Variants in APOBEC3F observed in about 807,000 individuals in gnomAD.
APOBEC3F encodes the protein DNA dC->dU-editing enzyme APOBEC-3F.
In APOBEC3F, 34 loss-of-function variants were observed where a neutral mutation model predicts 45.8. That is an observed-to-expected ratio of 0.74 (90% CI 0.57 to 0.99). The LOEUF (loss-of-function observed/expected upper bound fraction) is 0.99. APOBEC3F is among the 50% of genes least tolerant of loss of function. The probability of loss-of-function intolerance (pLI) is 0.00; values close to 1 mark genes in which losing one functional copy is unlikely to be tolerated. For synonymous variants in APOBEC3F, 192 were observed against 174.4 expected (o/e 1.10, Z -0.80); for missense variants, 459 against 474.1 (o/e 0.97, Z 0.30).
chr22:39,049,193 G>A (rs1320795556), intron 4 of APOBEC3F, among the ~76,000 whole-genome samples: 1 of 152,154 alleles, frequency 6.6e-6, no homozygotes, highest in African/African-American at 2.4e-5. Context: ...CAGAAAAACT[G>A]GGAGGTTGAG....
Position 39,043,452 on chromosome 22 carries a change from C to T in APOBEC3F, c.171+362C>T, listed in dbSNP as rs1207374253. On this transcript the variant is annotated intron_variant, in intron 2 of 6. Transcript: ENST00000308521. ...AGTAGCTGGGATTACAGGTGCCCAC[C>T]ACCACGCCCAGCTAATTTTTTTTTT... Among the ~76,000 whole-genome samples, 3 of 148,670 alleles carry T rather than the reference C, an allele frequency of 2.0e-5. No homozygotes were observed. The East Asian group carries it at 6.1e-4, about 30-fold the overall frequency.
intron 4 of APOBEC3F, among the ~76,000 whole-genome samples, chr22:39,047,906 T>C (rs1043828803): frequency 6.6e-6 from 1 of 152,192 alleles, no homozygotes; most frequent in Non-Finnish European, 1.5e-5. Flanking sequence ...ATGGAATTTC[T>C]GCAAGATTTA....
intron 5 of APOBEC3F, among the ~76,000 whole-genome samples, chr22:39,050,589 C>T (rs541883288): frequency 2.0e-5 from 3 of 151,330 alleles, no homozygotes; most frequent in African/African-American, 7.3e-5. Context: ...TGCATTAGCT[C>T]AATTATCTCA....
At position 39,044,131 on chromosome 22, in the gene APOBEC3F, T is replaced by A. The variant is rs764603350; in HGVS notation, c.172-810T>A. 7.7e-6 allele frequency: 12 copies of A among 1,568,414 alleles called. No individual in the cohort carries two copies. The East Asian group carries it at 2.6e-4, about 34-fold the overall frequency. On this transcript the variant is annotated intron_variant, in intron 2 of 6. Coordinates refer to ENST00000308521, the MANE Select transcript of APOBEC3F (RefSeq NM_145298.6). ...CCCATTTCAAGTGCTCAGTAGCCCC[T>A]TTGGCCAGTGCGCCCCACCACATGG...
At chr22:39,041,656 G>C (rs1478629622) in intron 1 of APOBEC3F, among the ~76,000 whole-genome samples, 1 of 152,102 alleles carries the variant, frequency 6.6e-6, no homozygotes, top group Non-Finnish European at 1.5e-5. Flanking sequence ...CTGAGGTCGG[G>C]AGTTCGAGAC....
chr22:39,042,164 C>T (rs1926938386), intron 1 of APOBEC3F, among the ~76,000 whole-genome samples: 1 of 152,204 alleles, frequency 6.6e-6, no homozygotes, highest in Non-Finnish European at 1.5e-5. Flanking sequence ...CTCACATCCG[C>T]GCAGCACTTA....
intron 4 of APOBEC3F, 97 bp downstream of exon 4, chr22:39,045,639 G>T: frequency 6.3e-7 from 1 of 1,582,354 alleles, no homozygotes. Flanking sequence ...CCTCCGTCCT[G>T]CCCCCTGCCT....
chr22:39,047,533 C>A (rs575712509), intron 4 of APOBEC3F, among the ~76,000 whole-genome samples: 1 of 152,192 alleles, frequency 6.6e-6, no homozygotes, highest in East Asian at 1.9e-4. Flanking sequence ...GCTCTGCCCA[C>A]GGGGCCTCTG....
chr22:39,049,348 G>T, intron 4 of APOBEC3F, 77 bp from the exon 5 acceptor site: 1 of 1,515,602 alleles, frequency 6.6e-7, no homozygotes, highest in Non-Finnish European at 9.0e-7. Context: ...GCTGTCCAGT[G>T]AGTGGTGTTC....
In APOBEC3F at chr22:39,054,093, A is replaced by G. The variant is rs781599982; in HGVS notation, c.*1398A>G. 2.0e-5 allele frequency among the ~76,000 whole-genome samples: 3 copies of G among 151,392 alleles called. No individual in the cohort carries two copies. The highest frequency in any genetic ancestry group is 6.6e-5 in the Admixed American group (1 of 15,206). ...AATGGTGCGGTCTCGGCTCACTGCAACCTCTGCCTCCCTTGTTCAAGTGAT... is the reference window on the plus strand; with the variant it reads ...AATGGTGCGGTCTCGGCTCACTGCAGCCTCTGCCTCCCTTGTTCAAGTGAT... On this transcript the variant is annotated 3_prime_UTR_variant, in exon 7 of 7. Coordinates refer to ENST00000308521, the MANE Select transcript of APOBEC3F (RefSeq NM_145298.6).
chr22:39,042,388 T>C (rs1272595483), intron 1 of APOBEC3F, among the ~76,000 whole-genome samples: 2 of 148,398 alleles, frequency 1.3e-5, no homozygotes, highest in Non-Finnish European at 3.0e-5. Context: ...CTCGGCTCAC[T>C]ACAACCTCCG....
rs1260121950 is a variant in APOBEC3F, at chr22:39,053,573, T to C, written c.*878T>C. On this transcript the variant is annotated 3_prime_UTR_variant, in exon 7 of 7. Transcript: ENST00000308521. ...GAGGCTGCAGTGAACTGAGATCACG[T>C]CACTGAACTCCAGTCTGAGCAACAG... 6.6e-6 allele frequency: 1 copy of C among 152,038 alleles called. No homozygotes were observed. The highest frequency in any genetic ancestry group is 1.5e-5 in the Non-Finnish European group (1 of 68,016). The allele number at this position is 152,038 out of a possible 1,614,324, so 9.4% of individuals were successfully genotyped here.
At chr22:39,049,263 T>C (rs1245504240) in intron 4 of APOBEC3F, among the ~76,000 whole-genome samples, 162 bp from the exon 5 acceptor site, 1 of 152,104 alleles carries the variant, frequency 6.6e-6, no homozygotes, top group Non-Finnish European at 1.5e-5. Flanking sequence ...CCCCGGCCCT[T>C]CTGCCCCTGC....
chr22:39,045,414 CCTCTTCGT>C lies in APOBEC3F; in HGVS notation c.452-10_452-3del. 6.2e-7 allele frequency: 1 copy of C among 1,614,010 alleles called. No homozygotes were observed. The highest frequency in any genetic ancestry group is 8.5e-7 in the Non-Finnish European group (1 of 1,179,922). Reference sequence around the variant, plus strand: ...CAGGGCAGAGCCTGACTGCTTCCTGCCTCTTCGTCTCAGAATTTGCATACTGCTGGGAA... The same window carrying C: ...CAGGGCAGAGCCTGACTGCTTCCTGCCTCAGAATTTGCATACTGCTGGGAA... On this transcript the variant is annotated splice_polypyrimidine_tract_variant and splice_region_variant and intron_variant, in intron 3 of 6. Coordinates refer to ENST00000308521, the MANE Select transcript of APOBEC3F (RefSeq NM_145298.6).
At chr22:39,048,559 C>G (rs995574715) in intron 4 of APOBEC3F, among the ~76,000 whole-genome samples, 2 of 151,480 alleles carry the variant, frequency 1.3e-5, no homozygotes, top group African/African-American at 4.9e-5. Flanking sequence ...CCTGTAATCC[C>G]AGCACTTTGG....
At chr22:39,045,288 T>C in intron 3 of APOBEC3F, 68 bp downstream of exon 3, 1 of 1,593,242 alleles carries the variant, frequency 6.3e-7, no homozygotes, top group South Asian at 1.2e-5. Context: ...GGATCTGCAA[T>C]GCCATGGCTG....
intron 4 of APOBEC3F, among the ~76,000 whole-genome samples, chr22:39,047,127 G>A (rs1337700814): frequency 6.6e-6 from 1 of 152,056 alleles, no homozygotes; most frequent in Admixed American, 6.6e-5. Flanking sequence ...TCAGTGTGGG[G>A]GCACGCATGG....
chr22:39,055,938 G>T lies in APOBEC3F; in HGVS notation c.*3243G>T, dbSNP rs973207855. The stretch of plus-strand genomic sequence containing the variant: ...AATCTTCAGATGCAAGTCTGTCAAC[G>T]CTCCCAGCTGATTAAAGCCTCTTCC... On this transcript the variant is annotated 3_prime_UTR_variant, in exon 7 of 7. Coordinates refer to ENST00000308521, the MANE Select transcript of APOBEC3F (RefSeq NM_145298.6). 6.6e-6 allele frequency among the ~76,000 whole-genome samples: 1 copy of T among 152,164 alleles called. No homozygotes were observed. Among genetic ancestry groups the T allele is most frequent in the Non-Finnish European group, 1.5e-5 (1 of 68,038 alleles).
At chr22:39,043,320 G>C (rs973735631) in intron 2 of APOBEC3F, among the ~76,000 whole-genome samples, 4 of 134,416 alleles carry the variant, frequency 3.0e-5, no homozygotes, top group African/African-American at 1.1e-4. Flanking sequence ...TTTTTTTTGA[G>C]ACAGAGTTTC....
Sources: gnomAD v4.1 joint callset for allele counts (sites outside exome capture counted in the v4.1 genomes callset) on GRCh38, gnomAD v4.1.1 for gene constraint, MANE v1.5 for transcripts, NCBI Gene and HGNC (gene_info 2026-07-23, HGNC 2026-07-21) for gene names.